The following REV3L variants were observed in gnomAD, a reference collection of about 807,000 sequenced individuals.
REV3L encodes the protein DNA polymerase zeta catalytic subunit.
In REV3L, 69 loss-of-function variants were observed where a neutral mutation model predicts 299.4. The observed-to-expected ratio is 0.23, with a 90% confidence interval of 0.19 to 0.28. The LOEUF is 0.28. Among genes scored for constraint, REV3L ranks in the 10% least tolerant of loss-of-function variants. The probability of loss-of-function intolerance (pLI) is 1.00; values close to 1 mark genes in which losing one functional copy is unlikely to be tolerated. For missense variants in REV3L, 3,128 were observed against 3,693.8 expected, an observed-to-expected ratio of 0.85 and a Z score of 3.97; for synonymous variants, 1,238 against 1,271.4, an observed-to-expected ratio of 0.97 and a Z score of 0.56.
At chr6:111,477,268 C>A (rs987257598) in intron 1 of REV3L, among the ~76,000 whole-genome samples, 3 of 152,082 alleles carry the variant, frequency 2.0e-5, no homozygotes, top group Non-Finnish European at 4.4e-5. Flanking sequence ...AATTAATAGA[C>A]GAGTTTCAAG....
chr6:111,420,273 T>C (rs1019753960), intron 1 of REV3L, among the ~76,000 whole-genome samples: 5 of 152,210 alleles, frequency 3.3e-5, no homozygotes, highest in Admixed American at 6.5e-5. Context: ...TACATATATA[T>C]GGTATACAAC....
chr6:111,306,618 T>C (rs1772335136), intron 31 of REV3L, among the ~76,000 whole-genome samples: 1 of 152,236 alleles, frequency 6.6e-6, no homozygotes, highest in Non-Finnish European at 1.5e-5. Flanking sequence ...CAGTGTAACA[T>C]GCAAATCACT....
intron 1 of REV3L, among the ~76,000 whole-genome samples, chr6:111,455,240 G>A (rs921551241): frequency 6.6e-6 from 1 of 152,120 alleles, no homozygotes. Context: ...GAATTCACCA[G>A]TAGAAAAGGC....
Position 111,380,087 on chromosome 6 carries a change from T to C in REV3L, c.1349A>G (p.Asp450Gly). 6.2e-7 allele frequency: 1 copy of C among 1,613,958 alleles called. No individual in the cohort carries two copies. The highest frequency in any genetic ancestry group is 2.2e-5 in the East Asian group (1 of 44,854). ...FGNNKYPQNS[D>G]DEENEPQIEK... ...AATCTGTGGTTCATTTTCTTCATCA[T>C]CACTATTTTGTGGATATTTATTATT... The change falls in exon 11 of 32, where the codon GAT (aspartate) becomes GGT (glycine). Residue 450 changes from aspartate (D) to glycine (G), a missense_variant. This residue lies in a region of REV3L where 2,409 missense variants were observed against 2,611.8 expected (regional missense o/e 0.92). Transcript: ENST00000368802.
chr6:111,430,523 A>G (rs1484955633), intron 1 of REV3L: 9 of 1,566,982 alleles, frequency 5.7e-6, no homozygotes, highest in Middle Eastern at 2.1e-4. Context: ...AAATTCTTAG[A>G]CATGAAAGAA....
intron 5 of REV3L, 110 bp downstream of exon 5, chr6:111,392,765 TA>T: frequency 1.5e-6 from 1 of 661,616 alleles, no homozygotes; most frequent in Non-Finnish European, 2.6e-6. Flanking sequence ...GTGTATAGAT[TA>T]AAAAGATCCA....
chr6:111,363,348 C>G (rs1778888672), intron 16 of REV3L, among the ~76,000 whole-genome samples: 1 of 152,070 alleles, frequency 6.6e-6, no homozygotes, highest in Non-Finnish European at 1.5e-5. Context: ...GTCTGTAGCC[C>G]AGGCTGGAGT....
Position 111,376,015 on chromosome 6 carries a change from T to C in REV3L, c.2340A>G (p.Gln780=), listed in dbSNP as rs762609230. ...GGCTTGGCTTTTCTGTTTTATGTTCTTGAAATTCTTCATACCTAATTTTAA... is the reference window on the plus strand; with the variant it reads ...GGCTTGGCTTTTCTGTTTTATGTTCCTGAAATTCTTCATACCTAATTTTAA... ...NKLKIRYEEF[Q]EHKTEKPSLS... The change falls in exon 13 of 32, where the codon CAA becomes CAG. Residue 780 remains glutamine (Q), a synonymous_variant. Coordinates refer to ENST00000368802, the MANE Select transcript of REV3L (RefSeq NM_001372078.1). The C allele has an allele frequency of 4.3e-6, 7 of 1,613,954 alleles. No homozygotes were observed. The highest frequency in any genetic ancestry group is 3.3e-5 in the Admixed American group (2 of 59,996).
At chr6:111,329,781 T>C (rs773225177) in intron 24 of REV3L, 43 bp from the exon 25 acceptor site, 10 of 1,397,476 alleles carry the variant, frequency 7.2e-6, no homozygotes, top group South Asian at 1.2e-5. Flanking sequence ...TCAAACATTA[T>C]AGATTTACAT....
At chr6:111,300,320 C>T (rs1317304131) in intron 31 of REV3L, among the ~76,000 whole-genome samples, 164 bp from the exon 32 acceptor site, 1 of 152,182 alleles carries the variant, frequency 6.6e-6, no homozygotes, top group African/African-American at 2.4e-5. Flanking sequence ...CTAGACTACC[C>T]TATGTTGAGA....
intron 31 of REV3L, 129 bp downstream of exon 31, chr6:111,307,232 T>C: frequency 1.4e-6 from 1 of 722,310 alleles, no homozygotes; most frequent in Non-Finnish European, 2.3e-6. Context: ...TTTTAGGAAG[T>C]TTATCATTTA....
chr6:111,303,336 TAATTTTA>T (rs1333610098), intron 31 of REV3L, among the ~76,000 whole-genome samples: 2 of 150,954 alleles, frequency 1.3e-5, no homozygotes, highest in African/African-American at 2.4e-5. Flanking sequence ...CATGCCTGGC[TAATTTTA>T]AATTTTAATT....
rs768823047 is a variant in REV3L at position 111,387,813 on chromosome 6, T to C, written c.1048A>G (p.Thr350Ala). 4 of 1,613,936 alleles carry C rather than the reference T, an allele frequency of 2.5e-6. No homozygotes were observed. Among genetic ancestry groups the C allele is most frequent in the Non-Finnish European group, 3.4e-6 (4 of 1,179,918 alleles). ...EVLSPEMLQC[T>A]PANMVEVHKD... ...TGAACTTCTACCATATTGGCTGGTG[T>C]ACACTGAAGCATTTCAGGAGACAGA... Residue 350 changes from threonine to alanine, a missense_variant, in exon 9 of 32, where the codon ACA becomes GCA. Thr to Ala is a moderately conservative substitution (Grantham distance 58). Coordinates refer to ENST00000368802, the MANE Select transcript of REV3L (RefSeq NM_001372078.1).
In REV3L at chr6:111,374,397, G is replaced by A. The variant is rs750607371; in HGVS notation, c.3958C>T (p.Pro1320Ser). The change falls in exon 13 of 32, where the codon CCA becomes TCA. Residue 1320 changes from proline to serine, a missense_variant. Coordinates refer to ENST00000368802, the MANE Select transcript of REV3L (RefSeq NM_001372078.1). ...CCTATAGAATTACAAACAACTGATGGATGCAAATCATCTCGTGAACTGGGG... is the reference window on the plus strand; with the variant it reads ...CCTATAGAATTACAAACAACTGATGAATGCAAATCATCTCGTGAACTGGGG... Reference protein sequence around the residue: ...TFPSSRDDLHPSVVCNSIGPG... With the variant: ...TFPSSRDDLHSSVVCNSIGPG... 1.1e-5 allele frequency: 18 copies of A among 1,613,806 alleles called. No homozygotes were observed. In the South Asian group the frequency reaches 2.0e-4, roughly 18 times the overall value.
intron 1 of REV3L, among the ~76,000 whole-genome samples, chr6:111,422,516 T>C (rs1456760064): frequency 1.4e-5 from 2 of 147,356 alleles, no homozygotes; most frequent in Non-Finnish European, 3.0e-5. Flanking sequence ...ACATAGTACA[T>C]GAGACCAGGT....
At chr6:111,301,132 A>G (rs1771470912) in intron 31 of REV3L, among the ~76,000 whole-genome samples, 1 of 151,698 alleles carries the variant, frequency 6.6e-6, no homozygotes, top group South Asian at 2.1e-4. Flanking sequence ...ACACGGGATG[A>G]AATATGCCCT....
chr6:111,476,639 C>G (rs1171562690), intron 1 of REV3L, among the ~76,000 whole-genome samples: 2 of 152,168 alleles, frequency 1.3e-5, no homozygotes, highest in Non-Finnish European at 2.9e-5. Context: ...AGTCTTTACT[C>G]TGTTTTAGTG....
chr6:111,317,244 C>T (rs1319240229), intron 26 of REV3L, among the ~76,000 whole-genome samples: 1 of 151,940 alleles, frequency 6.6e-6, no homozygotes, highest in Non-Finnish European at 1.5e-5. Context: ...ATAATGGAGA[C>T]AGTACTTGCC....
intron 26 of REV3L, among the ~76,000 whole-genome samples, chr6:111,320,500 T>C (rs1774041198): frequency 6.6e-6 from 1 of 152,186 alleles, no homozygotes. Flanking sequence ...AAGTAATTAC[T>C]AAGAAGTAAA....
Sources: allele counts gnomAD v4.1 joint callset (sites outside exome capture counted in the v4.1 genomes callset), GRCh38; gene constraint gnomAD v4.1.1; regional missense constraint gnomAD v4.1.1; transcripts MANE v1.5; gene names NCBI Gene and HGNC (gene_info 2026-07-23, HGNC 2026-07-21).